Variants in MYMX observed in about 807,000 individuals in gnomAD.
MYMX encodes the protein myomixer, myoblast fusion factor, also known as protein myomixer.
At chr6:44,205,795 CA>C in the MYMX span, among the ~76,000 whole-genome samples, 1 of 149,726 alleles carries the variant, frequency 6.7e-6, no homozygotes, top group Non-Finnish European at 1.5e-5. Context: ...GGCAACAGAG[CA>C]AGACTTCTTC....
the MYMX span, among the ~76,000 whole-genome samples, chr6:44,195,265 C>T: frequency 6.6e-6 from 1 of 152,132 alleles, no homozygotes; most frequent in African/African-American, 2.4e-5. Context: ...GTGATCTGCC[C>T]ACCTCTGCCT....
chr6:44,197,493 A>C, the MYMX span, among the ~76,000 whole-genome samples: 1 of 152,202 alleles, frequency 6.6e-6, no homozygotes, highest in Non-Finnish European at 1.5e-5. Context: ...AGATCATGCC[A>C]CTGCACTCCA....
At chr6:44,196,496 G>A in the MYMX span, among the ~76,000 whole-genome samples, 3,440 of 148,402 alleles carry the variant, frequency 0.023, 121 homozygotes, top group African/African-American at 0.08. Context: ...CTGGCCAACA[G>A]GGTGAAAGCC....
the MYMX span, among the ~76,000 whole-genome samples, chr6:44,208,557 T>C: frequency 6.6e-6 from 1 of 152,166 alleles, no homozygotes; most frequent in African/African-American, 2.4e-5. Context: ...CTGGCCTCAC[T>C]TCCTCAGCAA....
chr6:44,204,057 A>G, the MYMX span, among the ~76,000 whole-genome samples: 1 of 152,052 alleles, frequency 6.6e-6, no homozygotes, highest in African/African-American at 2.4e-5. Flanking sequence ...ATGTTGGCCC[A>G]GCTGGTGTCT....
upstream of MYMX, among the ~76,000 whole-genome samples, chr6:44,212,948 G>C (rs1561866567): frequency 6.6e-6 from 1 of 151,710 alleles, no homozygotes; most frequent in Non-Finnish European, 1.5e-5. Flanking sequence ...GGATGGCTTG[G>C]GCCCAGAAGG....
the MYMX span, among the ~76,000 whole-genome samples, chr6:44,198,259 T>G: frequency 6.9e-6 from 1 of 145,966 alleles, no homozygotes; most frequent in Non-Finnish European, 1.5e-5. Context: ...GCCTCCTGGG[T>G]TCATGCCATT....
upstream of MYMX, among the ~76,000 whole-genome samples, chr6:44,215,091 G>C (rs570460147): frequency 6.6e-6 from 1 of 152,120 alleles, no homozygotes; most frequent in Non-Finnish European, 1.5e-5. Flanking sequence ...GACCTGGTAA[G>C]TTTTCTTTCT....
At chr6:44,213,974 C>T (rs751499931), upstream of MYMX, among the ~76,000 whole-genome samples, 1 of 152,238 alleles carries the variant, frequency 6.6e-6, no homozygotes, top group Non-Finnish European at 1.5e-5. Flanking sequence ...CCATGCTCAG[C>T]TAATTTTTTT....
the MYMX span, among the ~76,000 whole-genome samples, chr6:44,211,591 A>G: frequency 3.3e-5 from 5 of 151,914 alleles, no homozygotes; most frequent in Non-Finnish European, 7.4e-5. Context: ...ATTTTGAGAT[A>G]ACTAAAATAC....
At chr6:44,205,232 C>T in the MYMX span, among the ~76,000 whole-genome samples, 1 of 150,838 alleles carries the variant, frequency 6.6e-6, no homozygotes, top group Non-Finnish European at 1.5e-5. Flanking sequence ...GATCATCGTT[C>T]TTTGAAAAAA....
chr6:44,217,138 A>G (rs1775920209), intron 1 of MYMX, 170 bp downstream of exon 1: 3 of 270,060 alleles, frequency 1.1e-5, no homozygotes, highest in East Asian at 1.3e-4. Context: ...GCTGTGCAAG[A>G]GGAGGGGGTG....
the MYMX span, among the ~76,000 whole-genome samples, chr6:44,205,792 G>C: frequency 1.3e-5 from 2 of 151,810 alleles, no homozygotes; most frequent in African/African-American, 4.8e-5. Flanking sequence ...CAGGGCAACA[G>C]AGCAAGACTT....
chr6:44,211,657 G>A, the MYMX span, among the ~76,000 whole-genome samples: 7 of 141,926 alleles, frequency 4.9e-5, no homozygotes, highest in East Asian at 2.0e-4. Context: ...TCACTGTGTC[G>A]CCCAGGCTAG....
At chr6:44,211,238 A>G in the MYMX span, among the ~76,000 whole-genome samples, 1 of 152,246 alleles carries the variant, frequency 6.6e-6, no homozygotes, top group Non-Finnish European at 1.5e-5. Context: ...TTCGCTAGAA[A>G]TTAAGGTTAC....
chr6:44,196,107 T>C, the MYMX span, among the ~76,000 whole-genome samples: 2 of 152,084 alleles, frequency 1.3e-5, no homozygotes, highest in African/African-American at 4.8e-5. Flanking sequence ...CATATCCAAC[T>C]AATTTTAGTA....
the MYMX span, among the ~76,000 whole-genome samples, chr6:44,194,694 AG>A: frequency 1.3e-5 from 2 of 152,212 alleles, no homozygotes; most frequent in African/African-American, 4.8e-5. Context: ...GACAGCTGGA[AG>A]CAAGAGGCCT....
At chr6:44,209,267 T>C in the MYMX span, among the ~76,000 whole-genome samples, 1 of 151,950 alleles carries the variant, frequency 6.6e-6, no homozygotes, top group Non-Finnish European at 1.5e-5. Context: ...CCTGGCTTCG[T>C]GCTCTTAAAG....
chr6:44,213,311 G>A (rs534649479), upstream of MYMX, among the ~76,000 whole-genome samples: 6 of 151,852 alleles, frequency 4.0e-5, no homozygotes, highest in South Asian at 1.0e-3. Flanking sequence ...GCTTGAACGC[G>A]GGAAGCAGAG....
Sources: allele counts gnomAD v4.1 joint callset (sites outside exome capture counted in the v4.1 genomes callset), GRCh38; gene constraint gnomAD v4.1.1; transcripts MANE v1.5; gene names NCBI Gene and HGNC (gene_info 2026-07-23, HGNC 2026-07-21).